NEBL: variants seen among roughly 807,000 people sequenced by gnomAD.
The protein encoded by NEBL is nebulette.
In NEBL, 122 loss-of-function variants were observed where a neutral mutation model predicts 140.2. The observed-to-expected ratio is 0.87, with a 90% confidence interval of 0.75 to 1.01. The LOEUF (loss-of-function observed/expected upper bound fraction) is 1.01. Among genes scored for constraint, NEBL ranks in the 50% least tolerant of loss-of-function variants. The pLI is 0.00. For missense variants in NEBL, 1,365 were observed against 1,231.3 expected, an observed-to-expected ratio of 1.11 and a Z score of -1.62; for synonymous variants, 436 against 398.9, an observed-to-expected ratio of 1.09 and a Z score of -1.11.
At chr10:21,042,759 A>G (rs1834330615) in intron 2 of NEBL, among the ~76,000 whole-genome samples, 1 of 152,200 alleles carries the variant, frequency 6.6e-6, no homozygotes. Flanking sequence ...AAACCTCTGG[A>G]TTCTTCCTGC....
chr10:20,990,604 A>G lies in NEBL; in HGVS notation c.250-28825T>C, dbSNP rs574696589. 2.6e-5 allele frequency among the ~76,000 whole-genome samples: 4 copies of G among 152,326 alleles called. No homozygotes were observed. The South Asian group carries it at 8.3e-4, about 32-fold the overall frequency. On this transcript the variant is annotated intron_variant, in intron 3 of 6. Transcript: ENST00000417816. Reference sequence around the variant, plus strand: ...GTCTGTTGTTTAAGCCACCCAGTCTATGGTATCTTGTTGTAACAACCCAAA... The same window carrying G: ...GTCTGTTGTTTAAGCCACCCAGTCTGTGGTATCTTGTTGTAACAACCCAAA...
At chr10:21,107,795 T>A (rs932750421) in intron 2 of NEBL, among the ~76,000 whole-genome samples, 3 of 152,204 alleles carry the variant, frequency 2.0e-5, no homozygotes, top group African/African-American at 7.2e-5. Flanking sequence ...ATCCATCTGG[T>A]CTTGGCCTAT....
intron 2 of NEBL, among the ~76,000 whole-genome samples, chr10:21,106,420 C>T (rs1335131109): frequency 6.6e-6 from 1 of 152,040 alleles, no homozygotes; most frequent in Non-Finnish European, 1.5e-5. Flanking sequence ...CCAGTTTTCC[C>T]AGCAGCATTT....
chr10:21,252,729 G>A (rs936015921), intron 1 of NEBL, among the ~76,000 whole-genome samples: 1 of 152,190 alleles, frequency 6.6e-6, no homozygotes, highest in East Asian at 1.9e-4. Flanking sequence ...GCCAAGGCGG[G>A]CAGATCACCT....
At chr10:21,189,566 G>A (rs942546601) in intron 3 of NEBL, among the ~76,000 whole-genome samples, 79 of 152,276 alleles carry the variant, frequency 5.2e-4, no homozygotes, top group Non-Finnish European at 9.3e-4. Flanking sequence ...CCGGGTTCCC[G>A]CCAGTCTCCT....
At chr10:20,847,981 C>G (rs1208140300) in intron 11 of NEBL, among the ~76,000 whole-genome samples, 1 of 152,192 alleles carries the variant, frequency 6.6e-6, no homozygotes, top group Non-Finnish European at 1.5e-5. Context: ...TGAGTGCTGG[C>G]AGCAAACTGC....
intron 2 of NEBL, among the ~76,000 whole-genome samples, chr10:21,086,447 T>C (rs12260634): frequency 0.011 from 1,696 of 152,254 alleles, 26 homozygotes; most frequent in African/African-American, 0.039. Flanking sequence ...AGCCAATGAA[T>C]GATATAGAGA....
At chr10:21,101,318 G>C (rs1452128941) in intron 2 of NEBL, among the ~76,000 whole-genome samples, 1 of 152,220 alleles carries the variant, frequency 6.6e-6, no homozygotes, top group Non-Finnish European at 1.5e-5. Flanking sequence ...TTCTTCCAAG[G>C]TAAGACTTCA....
At chr10:21,109,358 C>G (rs577375327) in intron 2 of NEBL, among the ~76,000 whole-genome samples, 1 of 152,212 alleles carries the variant, frequency 6.6e-6, no homozygotes, top group Non-Finnish European at 1.5e-5. Context: ...CTGACTTGAT[C>G]GTGGCGGATA....
intron 2 of NEBL, among the ~76,000 whole-genome samples, chr10:21,160,254 C>T (rs1840502933): frequency 6.6e-6 from 1 of 152,020 alleles, no homozygotes; most frequent in African/African-American, 2.4e-5. Flanking sequence ...CAGGACACTT[C>T]CTGGGCAGCA....
chr10:21,114,886 A>AT (rs978727520), intron 2 of NEBL, among the ~76,000 whole-genome samples: 15 of 151,562 alleles, frequency 9.9e-5, no homozygotes, highest in African/African-American at 3.1e-4. Context: ...AGTTTAGACC[A>AT]TTTACATTTA....
At chr10:21,132,932 CT>C (rs143159372) in intron 2 of NEBL, among the ~76,000 whole-genome samples, 1 of 152,272 alleles carries the variant, frequency 6.6e-6, no homozygotes, top group Non-Finnish European at 1.5e-5. Context: ...TACGGGTAGT[CT>C]TTACACTTTC....
intron 2 of NEBL, chr10:21,030,470 C>T (rs652864): frequency 0.61 from 448,263 of 729,712 alleles, 138,978 homozygotes; most frequent in East Asian, 0.7. Flanking sequence ...CAAAACTGAT[C>T]AGCCCCAAAA....
chr10:20,979,691 G>GT (rs746237709), intron 3 of NEBL, among the ~76,000 whole-genome samples: 113 of 152,032 alleles, frequency 7.4e-4, no homozygotes, highest in African/African-American at 2.6e-3. Flanking sequence ...ATATAACACA[G>GT]TTTTTTTTAA....
At chr10:21,175,313 A>C (rs1841272624), upstream of NEBL, among the ~76,000 whole-genome samples, 2 of 152,210 alleles carry the variant, frequency 1.3e-5, no homozygotes, top group South Asian at 4.1e-4. Context: ...GTGAGGATTA[A>C]ATGAGTCAGC....
intron 3 of NEBL, among the ~76,000 whole-genome samples, chr10:20,983,676 AC>A (rs1837141874): frequency 1.3e-5 from 2 of 152,228 alleles, no homozygotes; most frequent in Non-Finnish European, 2.9e-5. Context: ...CAGGGACAGA[AC>A]CCAAAACTTG....
chr10:20,806,158 A>G (rs11594318), intron 26 of NEBL, among the ~76,000 whole-genome samples: 34,405 of 152,088 alleles, frequency 0.23, 4,775 homozygotes, highest in East Asian at 0.42. Flanking sequence ...TGATTAACTA[A>G]CAGCAGCAGG....
intron 24 of NEBL, 116 bp downstream of exon 24, chr10:20,812,653 G>T: frequency 2.3e-6 from 3 of 1,285,274 alleles, no homozygotes; most frequent in Non-Finnish European, 1.1e-6. Context: ...TTTTAAATTG[G>T]GTACCACAAC....
At chr10:21,120,374 CAAAAAA>C (rs1157067083) in intron 2 of NEBL, among the ~76,000 whole-genome samples, 4 of 48,390 alleles carry the variant, frequency 8.3e-5, no homozygotes, top group African/African-American at 2.8e-4. Flanking sequence ...GACTGTGTCT[CAAAAAA>C]AAAAAAAAAA....
Sources: allele counts gnomAD v4.1 joint callset (sites outside exome capture counted in the v4.1 genomes callset), GRCh38; gene constraint gnomAD v4.1.1; transcripts MANE v1.5; gene names NCBI Gene and HGNC (gene_info 2026-07-23, HGNC 2026-07-21).